The following PCDHGB4 variants were observed in gnomAD, a reference collection of about 807,000 sequenced individuals.
PCDHGB4 encodes protocadherin gamma subfamily B, 4, also known as protocadherin gamma-B4.
Under a neutral mutation model 60.5 loss-of-function variants are expected in PCDHGB4, and 38 were observed. The observed-to-expected ratio is 0.63, with a 90% CI of 0.48 to 0.82. The LOEUF is 0.82. Among genes scored for constraint, PCDHGB4 ranks in the 40% least tolerant of loss-of-function variants. The pLI is 0.00. For synonymous variants in PCDHGB4, 456 were observed against 509.7 expected (o/e 0.89, Z 1.42); for missense variants, 1,109 against 1,209.6 (o/e 0.92, Z 1.23).
At position 141,388,901 on chromosome 5, in the gene PCDHGB4, T is replaced by G. The variant is rs776637275; in HGVS notation, c.1017T>G (p.Asn339Lys). The G allele has an allele frequency of 2.5e-6, 4 of 1,613,722 alleles. No homozygotes were observed. The African/African-American group carries it at 5.3e-5, about 22-fold the overall frequency. The change falls in exon 1 of 4, where the codon AAT becomes AAG. Residue 339 changes from asparagine (N) to lysine (K), a missense_variant. Asn to Lys is a moderately conservative substitution (Grantham distance 94). Coordinates refer to ENST00000519479, the MANE Select transcript of PCDHGB4 (RefSeq NM_003736.4). Reference protein sequence around the residue: ...CTVEVEVIDENDNAPEVIFQS... With the variant: ...CTVEVEVIDEKDNAPEVIFQS... ...TGGAGGTAGAAGTCATAGATGAAAA[T>G]GACAACGCCCCAGAAGTGATATTCC...
intron 1 of PCDHGB4, chr5:141,395,402 C>T (rs1012676021): frequency 5.9e-6 from 5 of 846,250 alleles, no homozygotes; most frequent in Non-Finnish European, 8.7e-6. Context: ...CTCTAATAGT[C>T]ATAGGTTATT....
chr5:141,430,493 C>G (rs1232369484), intron 1 of PCDHGB4: 1 of 285,344 alleles, frequency 3.5e-6, no homozygotes, highest in African/African-American at 2.2e-5. Flanking sequence ...ACGAAATATC[C>G]TTTCTGGGAG....
At position 141,487,063 on chromosome 5, in the gene PCDHGB4, G is replaced by A. The variant is rs754361361; in HGVS notation, c.2398-7744G>A. 39 of 1,614,086 alleles carry A rather than the reference G, an allele frequency of 2.4e-5. No individual in the cohort carries two copies. In the South Asian group the frequency reaches 3.7e-4, roughly 15 times the overall value. The stretch of plus-strand genomic sequence containing the variant: ...CTCGATATGCTGGGGAGGTGCGGAC[G>A]GCTGTTCCTATCCCAGCTGACCTCC... On this transcript the variant is annotated intron_variant, in intron 1 of 3. Transcript: ENST00000519479. The surrounding 1 kb of genome is among the most constrained non-coding windows in gnomAD (Gnocchi z 5.0).
In PCDHGB4 at chr5:141,487,743, G is replaced by C. The variant is rs1424889718; in HGVS notation, c.2398-7064G>C. The C allele has an allele frequency of 1.9e-6, 3 of 1,559,988 alleles. No homozygotes were observed. Among genetic ancestry groups the C allele is most frequent in the Non-Finnish European group, 2.6e-6 (3 of 1,150,774 alleles). ...AGTGATGTCACCATTTTTGTAAGAG[G>C]TAACTATGTGGTAGACGCTGTGCTT... On this transcript the variant is annotated intron_variant, in intron 1 of 3. Transcript: ENST00000519479. The surrounding 1 kb of genome is among the most constrained non-coding windows in gnomAD (Gnocchi z 5.0).
intron 1 of PCDHGB4, chr5:141,391,629 T>C (rs1048656119): frequency 6.6e-6 from 1 of 152,234 alleles, no homozygotes; most frequent in African/African-American, 2.4e-5. Flanking sequence ...AAGAAAGTTT[T>C]AGTCAGTGAA....
chr5:141,487,429 C>A lies in PCDHGB4; in HGVS notation c.2398-7378C>A. 1 of 1,614,162 alleles carries A rather than the reference C, an allele frequency of 6.2e-7. No individual in the cohort carries two copies. Among genetic ancestry groups the A allele is most frequent in the Non-Finnish European group, 8.5e-7 (1 of 1,180,018 alleles). On this transcript the variant is annotated intron_variant, in intron 1 of 3. Transcript: ENST00000519479. The surrounding 1 kb of genome is among the most constrained non-coding windows in gnomAD (Gnocchi z 5.0). ...CCCCTTCCAATGGGATCCTCCGAAT[C>A]CAGCTAGGGTCAGATGACCCTATCA...
rs61612330 is a variant in PCDHGB4, at chr5:141,454,796, A to ATTTTTTT, written c.2398-39988_2398-39982dup. On this transcript the variant is annotated intron_variant, in intron 1 of 3. Transcript: ENST00000519479. Reference sequence around the variant, plus strand: ...AAGGAAATAATCCTCCATGGTTCTAATTTTTTTTTTTTTTTTTTTTTTTTT... The same window carrying ATTTTTTT: ...AAGGAAATAATCCTCCATGGTTCTAATTTTTTTTTTTTTTTTTTTTTTTTTTTTTTTT... Among the ~76,000 whole-genome samples the ATTTTTTT allele has an allele frequency of 2.6e-3, 198 of 77,448 alleles. 27 individuals are homozygous for ATTTTTTT. The highest frequency in any genetic ancestry group is 8.4e-3 in the African/African-American group (141 of 16,874). The allele number at this position is 77,448 out of a possible 152,430, so 50.8% of individuals were successfully genotyped here. A position where few individuals can be genotyped will look rare whatever the true frequency, so the allele number is the denominator to read the frequency against.
intron 1 of PCDHGB4, chr5:141,405,262 C>T (rs1352663124): frequency 1.9e-6 from 3 of 1,614,012 alleles, no homozygotes; most frequent in Non-Finnish European, 2.5e-6. Context: ...ACCTGATCTT[C>T]CCCCAGCCCA....
intron 1 of PCDHGB4, 106 bp downstream of exon 1, chr5:141,390,387 T>C: frequency 1.4e-6 from 2 of 1,425,596 alleles, no homozygotes; most frequent in Non-Finnish European, 1.9e-6. Flanking sequence ...TTAGATGTCA[T>C]GGATCATTTT....
intron 1 of PCDHGB4, chr5:141,441,337 T>A (rs980210130): frequency 6.6e-6 from 1 of 152,112 alleles, no homozygotes; most frequent in African/African-American, 2.4e-5. Flanking sequence ...CTCCAATAAT[T>A]AACTACATGC....
At chr5:141,402,807 T>TA in intron 1 of PCDHGB4, 1 of 1,165,464 alleles carries the variant, frequency 8.6e-7, no homozygotes, top group Non-Finnish European at 1.2e-6. Flanking sequence ...ACCCGGCAGA[T>TA]ACCACAAACC....
chr5:141,409,462 C>T (rs377705841), intron 1 of PCDHGB4: 3 of 1,613,988 alleles, frequency 1.9e-6, no homozygotes, highest in Non-Finnish European at 2.5e-6. Flanking sequence ...AATACAATGT[C>T]ACCATCGTAG....
In PCDHGB4 at chr5:141,476,868, C is replaced by G. The variant is rs1213404395; in HGVS notation, c.2398-17939C>G. On this transcript the variant is annotated intron_variant, in intron 1 of 3. Transcript: ENST00000519479. This position sits in a 1 kb window ranked among gnomAD's most constrained non-coding sequence, Gnocchi z 7.6. Reference sequence around the variant, plus strand: ...GTCTTCAACCAGTCCTTGTACCGGGCGCGCGTCCTGGAGGATGCACCCTCC... The same window carrying G: ...GTCTTCAACCAGTCCTTGTACCGGGGGCGCGTCCTGGAGGATGCACCCTCC... 2.5e-6 allele frequency: 4 copies of G among 1,613,874 alleles called. No homozygotes were observed. Among genetic ancestry groups the G allele is most frequent in the Non-Finnish European group, 3.4e-6 (4 of 1,180,050 alleles).
Position 141,477,626 on chromosome 5 carries a change from G to C in PCDHGB4, c.2398-17181G>C. The C allele has an allele frequency of 1.2e-6, 2 of 1,614,170 alleles. No homozygotes were observed. Among genetic ancestry groups the C allele is most frequent in the Non-Finnish European group, 1.7e-6 (2 of 1,180,036 alleles). ...TCTCTTGGAGCAAGGAGCTGAAACCGGGCTAGTGGGTCGCTATTTCACAAT... is the reference window on the plus strand; with the variant it reads ...TCTCTTGGAGCAAGGAGCTGAAACCCGGCTAGTGGGTCGCTATTTCACAAT... On this transcript the variant is annotated intron_variant, in intron 1 of 3. Transcript: ENST00000519479. The surrounding 1 kb of genome is among the most constrained non-coding windows in gnomAD (Gnocchi z 4.9).
chr5:141,413,013 C>A, intron 1 of PCDHGB4: 2 of 661,008 alleles, frequency 3.0e-6, no homozygotes, highest in Admixed American at 6.8e-5. Context: ...GCTTCAACTA[C>A]ACAAGCCCCA....
At chr5:141,423,632 T>G in intron 1 of PCDHGB4, 1 of 1,602,602 alleles carries the variant, frequency 6.2e-7, no homozygotes, top group Non-Finnish European at 8.5e-7. Flanking sequence ...GCTATCATTT[T>G]AGGCAAATGT....
chr5:141,445,814 TA>T (rs1554133713), intron 1 of PCDHGB4, among the ~76,000 whole-genome samples: 1 of 152,182 alleles, frequency 6.6e-6, no homozygotes, highest in Non-Finnish European at 1.5e-5. Context: ...TAGATGAAAC[TA>T]ATAAGGCAGG....
In PCDHGB4 at chr5:141,434,915, T is replaced by A. The variant is rs1301814716; in HGVS notation, c.2397+44634T>A. Among the ~76,000 whole-genome samples, 3 of 151,830 alleles carry A rather than the reference T, an allele frequency of 2.0e-5. No homozygotes were observed. The East Asian group carries it at 5.8e-4, about 29-fold the overall frequency. ...GTCCCCTTCCCTCATACCTTATTTATGTACATATATTTTATATAATAGATA... is the reference window on the plus strand; with the variant it reads ...GTCCCCTTCCCTCATACCTTATTTAAGTACATATATTTTATATAATAGATA... On this transcript the variant is annotated intron_variant, in intron 1 of 3. Transcript: ENST00000519479.
rs144490159 is a variant in PCDHGB4, at chr5:141,418,260, G to A, written c.2397+27979G>A. The A allele has an allele frequency of 5.0e-3, 7,995 of 1,614,000 alleles. 44 individuals carry two copies. Among genetic ancestry groups the A allele is most frequent in the Admixed American group, 9.4e-3 (566 of 60,026 alleles). ...GTTAATGACCACGCCCCTCAATTCCGGAAAGATGAAATAAACTTAGAAATC... is the reference window on the plus strand; with the variant it reads ...GTTAATGACCACGCCCCTCAATTCCAGAAAGATGAAATAAACTTAGAAATC... On this transcript the variant is annotated intron_variant, in intron 1 of 3. Coordinates refer to ENST00000519479, the MANE Select transcript of PCDHGB4 (RefSeq NM_003736.4).
Sources: allele counts gnomAD v4.1 joint callset (sites outside exome capture counted in the v4.1 genomes callset), GRCh38; gene constraint gnomAD v4.1.1; non-coding constraint Gnocchi (gnomAD v3.1); transcripts MANE v1.5; gene names NCBI Gene and HGNC (gene_info 2026-07-23, HGNC 2026-07-21).